The following COG5 variants were observed in gnomAD, a reference collection of about 807,000 sequenced individuals.
The protein encoded by COG5 is component of oligomeric golgi complex 5.
Under a neutral mutation model 110.4 loss-of-function variants are expected in COG5, and 86 were observed. The ratio of observed to expected loss-of-function variants is 0.78; its 90% CI spans 0.65 to 0.93. COG5 has a LOEUF of 0.93. Ranked by LOEUF, COG5 falls within the 40% of genes least tolerant of loss-of-function variation. The probability of loss-of-function intolerance (pLI) is 0.00; values close to 1 mark genes in which losing one functional copy is unlikely to be tolerated. For synonymous variants in COG5, 360 were observed against 334.6 expected, an observed-to-expected ratio of 1.08 and a Z score of -0.83; for missense variants, 1,077 against 987.0, an observed-to-expected ratio of 1.09 and a Z score of -1.22.
intron 10 of COG5, among the ~76,000 whole-genome samples, chr7:107,355,255 T>C (rs1812520872): frequency 6.6e-6 from 1 of 152,164 alleles, no homozygotes; most frequent in Non-Finnish European, 1.5e-5. Flanking sequence ...TCCAAAACAC[T>C]GACAAATCCA....
At chr7:107,503,117 C>A (rs1022225240) in intron 6 of COG5, among the ~76,000 whole-genome samples, 2 of 152,152 alleles carry the variant, frequency 1.3e-5, no homozygotes, top group Admixed American at 1.3e-4. Flanking sequence ...TTTTCTCCTA[C>A]GGTTTGTATG....
chr7:107,487,746 ATAAT>A (rs1797733157), intron 6 of COG5, among the ~76,000 whole-genome samples: 1 of 152,156 alleles, frequency 6.6e-6, no homozygotes, highest in African/African-American at 2.4e-5. Context: ...TATGACTAAA[ATAAT>A]TAACAATAGA....
intron 6 of COG5, among the ~76,000 whole-genome samples, chr7:107,504,920 C>T (rs1402163061): frequency 6.6e-6 from 1 of 151,876 alleles, no homozygotes; most frequent in Non-Finnish European, 1.5e-5. Context: ...ATGGTCTATC[C>T]ATTTTGTTTA....
rs749787793 is a variant in COG5 at position 107,298,207 on chromosome 7, A to C, written c.1248T>G (p.Tyr416Ter). ...NFNASGTTDL[Y>*]VDLQHMEDDA... ...CATCTTCCATGTGTTGTAGGTCAAC[A>C]TAGAGGTCTGTAGTTCCACTTGCAT... The change falls in exon 12 of 22, where the codon TAT becomes TAG. Residue 416 changes from tyrosine to a stop codon, truncating the protein, a stop_gained. Transcript: ENST00000297135. LOFTEE classifies it high-confidence loss of function. 1.2e-6 allele frequency: 2 copies of C among 1,613,834 alleles called. No homozygotes were observed. Among genetic ancestry groups the C allele is most frequent in the South Asian group, 1.1e-5 (1 of 91,074 alleles).
chr7:107,453,021 C>T (rs1443623030), intron 6 of COG5, among the ~76,000 whole-genome samples: 1 of 152,180 alleles, frequency 6.6e-6, no homozygotes, highest in African/African-American at 2.4e-5. Flanking sequence ...TGTATACTAT[C>T]ATAGTGTATT....
chr7:107,362,503 C>G (rs147657410), intron 8 of COG5, 83 bp from the exon 9 acceptor site: 14 of 838,854 alleles, frequency 1.7e-5, no homozygotes, highest in African/African-American at 1.4e-4. Flanking sequence ...AAAAACCATA[C>G]GCAAGCTAAA....
chr7:107,232,961 A>G (rs1477809459), intron 18 of COG5, among the ~76,000 whole-genome samples: 1 of 152,158 alleles, frequency 6.6e-6, no homozygotes, highest in Non-Finnish European at 1.5e-5. Context: ...CTCCTAGGGT[A>G]CTCCTGCCCT....
intron 18 of COG5, among the ~76,000 whole-genome samples, chr7:107,231,462 TTACCTGTTCTTTTC>T (rs1419412404): frequency 6.6e-6 from 1 of 152,212 alleles, no homozygotes; most frequent in Non-Finnish European, 1.5e-5. Flanking sequence ...ATTAATTAGG[TTACCTGTTCTTTTC>T]TACCAAGTGC....
At chr7:107,332,731 A>G (rs567544603) in intron 10 of COG5, among the ~76,000 whole-genome samples, 1 of 152,294 alleles carries the variant, frequency 6.6e-6, no homozygotes, top group African/African-American at 2.4e-5. Flanking sequence ...AGGGAAGTAG[A>G]GATACCAGGT....
intron 6 of COG5, among the ~76,000 whole-genome samples, chr7:107,500,624 AATT>A (rs1228054252): frequency 2.0e-5 from 3 of 152,212 alleles, no homozygotes; most frequent in African/African-American, 7.2e-5. Context: ...GTTTTAATAT[AATT>A]AATAAGGAAA....
At chr7:107,231,013 T>C (rs1800739851) in intron 18 of COG5, among the ~76,000 whole-genome samples, 1 of 152,246 alleles carries the variant, frequency 6.6e-6, no homozygotes, top group African/African-American at 2.4e-5. Context: ...TGCATGCCTA[T>C]ACTTTAGGCA....
intron 13 of COG5, 113 bp downstream of exon 13, chr7:107,283,458 T>C (rs1342339211): frequency 1.2e-6 from 1 of 861,480 alleles, no homozygotes; most frequent in Non-Finnish European, 1.8e-6. Flanking sequence ...AATTTAATTG[T>C]GGGCCTAATT....
At chr7:107,316,057 A>G (rs1222947274) in intron 11 of COG5, among the ~76,000 whole-genome samples, 1 of 152,204 alleles carries the variant, frequency 6.6e-6, no homozygotes, top group Non-Finnish European at 1.5e-5. Flanking sequence ...GAATGATGGA[A>G]GACAGCCAGA....
chr7:107,472,595 T>A (rs1466461275), intron 6 of COG5: 2 of 151,954 alleles, frequency 1.3e-5, no homozygotes, highest in Non-Finnish European at 2.9e-5. Context: ...ACACTTAAAA[T>A]TTTCCATTTT....
chr7:107,484,628 C>T (rs895372837), intron 6 of COG5, among the ~76,000 whole-genome samples: 5 of 152,158 alleles, frequency 3.3e-5, no homozygotes, highest in African/African-American at 9.7e-5. Context: ...CCTTAAGTCT[C>T]ACATGGTTGT....
At chr7:107,390,518 G>A (rs1228790797) in intron 7 of COG5, among the ~76,000 whole-genome samples, 4 of 151,908 alleles carry the variant, frequency 2.6e-5, no homozygotes, top group Non-Finnish European at 5.9e-5. Context: ...ATCCACAGTT[G>A]GGATGAGGTG....
chr7:107,326,277 T>C (rs1024194678), intron 10 of COG5, among the ~76,000 whole-genome samples: 1 of 152,066 alleles, frequency 6.6e-6, no homozygotes, highest in Non-Finnish European at 1.5e-5. Context: ...ACCACTTCTA[T>C]ACAATATAGT....
At chr7:107,326,237 A>T (rs1406183046) in intron 10 of COG5, among the ~76,000 whole-genome samples, 5 of 152,290 alleles carry the variant, frequency 3.3e-5, no homozygotes, top group Admixed American at 1.3e-4. Flanking sequence ...TCCCTCTAAG[A>T]TCAGGAACAA....
At chr7:107,207,858 T>C in intron 21 of COG5, 1 of 985,422 alleles carries the variant, frequency 1.0e-6, no homozygotes, top group South Asian at 4.7e-5. Context: ...TGGTTCACTA[T>C]TTCCCATTTA....
Sources: gnomAD v4.1 joint callset for allele counts (sites outside exome capture counted in the v4.1 genomes callset) on GRCh38, gnomAD v4.1.1 for gene constraint, MANE v1.5 for transcripts, NCBI Gene and HGNC (gene_info 2026-07-23, HGNC 2026-07-21) for gene names.